USP40: variants seen among roughly 807,000 people sequenced by gnomAD.
The protein encoded by USP40 is ubiquitin specific peptidase 40, also known as ubiquitin carboxyl-terminal hydrolase 40.
USP40 carries 143 observed loss-of-function variants against 166.2 expected under a neutral mutation model. That is an observed-to-expected ratio of 0.86 (90% CI 0.75 to 0.99). The LOEUF (loss-of-function observed/expected upper bound fraction) is 0.99. USP40 is among the 50% of genes least tolerant of loss of function. USP40 has a pLI of 0.00. For synonymous variants in USP40, 498 were observed against 524.0 expected (o/e 0.95, Z 0.68); for missense variants, 1,444 against 1,479.7 (o/e 0.98, Z 0.40).
intron 8 of USP40, among the ~76,000 whole-genome samples, 181 bp downstream of exon 8, chr2:233,548,920 T>C (rs1330683280): frequency 6.6e-6 from 1 of 152,152 alleles, no homozygotes; most frequent in African/African-American, 2.4e-5. Context: ...GTAATTTTTC[T>C]GTATGTGTGA....
At position 233,535,133 on chromosome 2, in the gene USP40, C is replaced by A. The variant is rs541786355; in HGVS notation, c.1171-1354G>T. ...ATGAGGGGACAGAATCTGAGAATAC[C>A]AGAGAGGCGAGATCCCACGAAGGAG... is the stretch of plus-strand genomic sequence containing the variant. On this transcript the variant is annotated intron_variant, in intron 10 of 31. Coordinates refer to ENST00000678225, the MANE Select transcript of USP40 (RefSeq NM_001365479.2). Among the ~76,000 whole-genome samples the A allele has an allele frequency of 1.1e-4, 17 of 152,148 alleles. No homozygotes were observed. The South Asian group carries it at 3.5e-3, about 32-fold the overall frequency.
chr2:233,488,211 A>G, intron 28 of USP40, 28 bp downstream of exon 28: 2 of 1,581,184 alleles, frequency 1.3e-6, no homozygotes, highest in Non-Finnish European at 8.6e-7. Context: ...CGTGTGTGTC[A>G]CTTCAGATGC....
intron 5 of USP40, among the ~76,000 whole-genome samples, chr2:233,554,972 A>C (rs2070927397): frequency 6.6e-6 from 1 of 152,176 alleles, no homozygotes; most frequent in Non-Finnish European, 1.5e-5. Flanking sequence ...AAGAAGTTAT[A>C]AGAAAAAAAA....
intron 18 of USP40, among the ~76,000 whole-genome samples, chr2:233,514,556 G>A (rs914255479): frequency 6.6e-6 from 1 of 152,104 alleles, no homozygotes; most frequent in African/African-American, 2.4e-5. Context: ...AAATTATTCA[G>A]GTTCTTGTAG....
At chr2:233,530,965 C>G (rs10178062) in intron 11 of USP40, among the ~76,000 whole-genome samples, 120,405 of 152,090 alleles carry the variant, frequency 0.79, 47,743 homozygotes, top group East Asian at 0.87. Flanking sequence ...ACCTTAAGAT[C>G]AAATATTTAT....
intron 14 of USP40, 25 bp from the exon 15 acceptor site, chr2:233,524,587 C>T (rs1413504887): frequency 7.1e-6 from 11 of 1,541,002 alleles, no homozygotes; most frequent in Non-Finnish European, 9.6e-6. Flanking sequence ...CCAGTGAGAC[C>T]ATTCATCATG....
rs187129282 is a variant in USP40, at chr2:233,482,591, T to G, written c.3505-1294A>C. Among the ~76,000 whole-genome samples, 502 of 139,432 alleles carry G rather than the reference T, an allele frequency of 3.6e-3. 11 individuals carry two copies. Among genetic ancestry groups the G allele is most frequent in the Non-Finnish European group, 5.7e-4 (38 of 67,206 alleles). The allele number at this position is 139,432 out of a possible 152,430, so 91.5% of individuals were successfully genotyped here. ...TTGTGTTCCCACTGGAGTTTTTTTT[T>G]TTTGTTTTTTTTTTTTTGACACACG... On this transcript the variant is annotated intron_variant, in intron 30 of 31. Transcript: ENST00000678225.
Position 233,476,413 on chromosome 2 carries a change from A to C in USP40, c.*979T>G, listed in dbSNP as rs544490360. 6.6e-6 allele frequency: 1 copy of C among 152,506 alleles called. No individual in the cohort carries two copies. Among genetic ancestry groups the C allele is most frequent in the South Asian group, 2.1e-4 (1 of 4,828 alleles). 9.4% of individuals were successfully genotyped at this position (152,506 alleles called of 1,614,324 possible). A position where few individuals can be genotyped will look rare whatever the true frequency, so the allele number is the denominator to read the frequency against. On this transcript the variant is annotated 3_prime_UTR_variant, in exon 32 of 32. Coordinates refer to ENST00000678225, the MANE Select transcript of USP40 (RefSeq NM_001365479.2). ...GACACAGGTACTATTATTTCTCACAAATGCCAATTAAATCCTTTAAGTTGA... is the reference window on the plus strand; with the variant it reads ...GACACAGGTACTATTATTTCTCACACATGCCAATTAAATCCTTTAAGTTGA...
intron 2 of USP40, 82 bp downstream of exon 2, chr2:233,565,274 G>A (rs2072035678): frequency 6.8e-6 from 7 of 1,034,152 alleles, no homozygotes; most frequent in Non-Finnish European, 9.8e-6. Flanking sequence ...AAGATAATTG[G>A]TCTATTTGTG....
At position 233,515,563 on chromosome 2, in the gene USP40, GT is replaced by G. The variant is rs879283497; in HGVS notation, c.2384-2942del. 3.6e-3 allele frequency among the ~76,000 whole-genome samples: 532 copies of G among 146,452 alleles called. 3 individuals are homozygous for G. Among genetic ancestry groups the G allele is most frequent in the African/African-American group, 0.012 (472 of 40,126 alleles). ...TCTAAACCTGGGTTAGGTTACAAGG[GT>G]TTTTTTTTTTCTTTAATATTCTGAA... is the stretch of plus-strand genomic sequence containing the variant. On this transcript the variant is annotated intron_variant, in intron 18 of 31. Coordinates refer to ENST00000678225, the MANE Select transcript of USP40 (RefSeq NM_001365479.2).
At position 233,485,938 on chromosome 2, in the gene USP40, A is replaced by G; in HGVS notation, c.3237T>C (p.Pro1079=). Reference sequence around the variant, plus strand: ...GGGCAGGGGCATAGGTCCTCTCACCAGGGATGCGCACCTGTGTCCTCAGCA... The same window carrying G: ...GGGCAGGGGCATAGGTCCTCTCACCGGGGATGCGCACCTGTGTCCTCAGCA... The part of the protein sequence containing the change: ...DVLLRTQVRI[P]GERTYAPALD... Residue 1079 remains proline, a synonymous_variant, in exon 29 of 32, where the codon CCT becomes CCC. Coordinates refer to ENST00000678225, the MANE Select transcript of USP40 (RefSeq NM_001365479.2). 2.5e-6 allele frequency: 4 copies of G among 1,595,796 alleles called. No homozygotes were observed. Among genetic ancestry groups the G allele is most frequent in the African/African-American group, 1.3e-5 (1 of 74,422 alleles).
At chr2:233,487,272 T>C (rs1431935240) in intron 28 of USP40, among the ~76,000 whole-genome samples, 5 of 152,224 alleles carry the variant, frequency 3.3e-5, no homozygotes, top group Admixed American at 6.5e-5. Context: ...CTGGAGAATA[T>C]GAGAACAAGA....
At chr2:233,561,064 T>A in intron 3 of USP40, 1 of 1,344,148 alleles carries the variant, frequency 7.4e-7, no homozygotes. Flanking sequence ...TGATAATTAA[T>A]AAAATTATTG....
rs1222769123 is a variant in USP40 at position 233,525,466 on chromosome 2, T to C, written c.1810+12A>G. 6.2e-7 allele frequency: 1 copy of C among 1,608,344 alleles called. No homozygotes were observed. The highest frequency in any genetic ancestry group is 8.5e-7 in the Non-Finnish European group (1 of 1,175,484). Reference sequence around the variant, plus strand: ...TATAGAGTGAGTTGCTATGTTTTCATATTTATCTTACCGCCAAGTGACTGG... The same window carrying C: ...TATAGAGTGAGTTGCTATGTTTTCACATTTATCTTACCGCCAAGTGACTGG... On this transcript the variant is annotated intron_variant, in intron 14 of 31. Transcript: ENST00000678225.
chr2:233,564,483 TAGAG>T (rs759309313), intron 2 of USP40, among the ~76,000 whole-genome samples: 1 of 151,970 alleles, frequency 6.6e-6, no homozygotes, highest in Non-Finnish European at 1.5e-5. Context: ...GAGAAATATA[TAGAG>T]AGAAACAGGG....
At chr2:233,542,438 C>T in intron 8 of USP40, 75 bp from the exon 9 acceptor site, 1 of 839,826 alleles carries the variant, frequency 1.2e-6, no homozygotes, top group Middle Eastern at 2.5e-4. Context: ...TGGCCAGGCA[C>T]AGTAGCTCAC....
chr2:233,498,604 A>G lies in USP40; in HGVS notation c.2659T>C (p.Trp887Arg). 6.2e-7 allele frequency: 1 copy of G among 1,613,336 alleles called. No individual in the cohort carries two copies. Residue 887 changes from tryptophan to arginine, a missense_variant, in exon 23 of 32, where the codon TGG (tryptophan) becomes CGG (arginine). By Grantham distance (101) the Trp-to-Arg change is moderately radical. Transcript: ENST00000678225. ...LKKSGLQGDA[W>R]HLRKMDWCYE... ...CACCAATCCATTTTTCGTAAATGCC[A>G]GGCATCTCCTATAAAGGAGTCAAAA...
In USP40 at chr2:233,529,441, G is replaced by A; in HGVS notation, c.1543C>T (p.Gln515Ter). Reference protein sequence around the residue: ...NEMDAANIELQTKRAECDSAN... With the variant: ...NEMDAANIEL ...GCAATTTAAAATTACCTTTTGGTTT[G>A]CAGTTCAATGTTAGCTGCATCCATT... The change falls in exon 12 of 32, where the codon CAA becomes TAA. Residue 515 changes from glutamine (Q) to a stop codon, truncating the protein, a stop_gained. Coordinates refer to ENST00000678225, the MANE Select transcript of USP40 (RefSeq NM_001365479.2). LOFTEE classifies it high-confidence loss of function. The A allele has an allele frequency of 6.4e-7, 1 of 1,569,264 alleles. No homozygotes were observed. Among genetic ancestry groups the A allele is most frequent in the Non-Finnish European group, 8.7e-7 (1 of 1,155,048 alleles).
intron 2 of USP40, among the ~76,000 whole-genome samples, chr2:233,564,905 T>C (rs541585199): frequency 1.3e-5 from 2 of 152,226 alleles, no homozygotes; most frequent in African/African-American, 4.8e-5. Context: ...GCTTTCCAGA[T>C]TTCAGAAATG....
Sources: gnomAD v4.1 joint callset for allele counts (sites outside exome capture counted in the v4.1 genomes callset) on GRCh38, gnomAD v4.1.1 for gene constraint, MANE v1.5 for transcripts, NCBI Gene and HGNC (gene_info 2026-07-23, HGNC 2026-07-21) for gene names.